Variants in ATP6V0D2 observed in about 807,000 individuals in gnomAD.
ATP6V0D2 encodes V-type proton ATPase subunit d 2.
A neutral mutation model predicts 40.0 loss-of-function variants in ATP6V0D2; 40 were observed. The observed-to-expected ratio is 1.00, with a 90% CI of 0.78 to 1.30. The LOEUF (loss-of-function observed/expected upper bound fraction) is 1.30, where lower values mean the gene tolerates loss of function less well. ATP6V0D2 is among the 50% of genes most tolerant of loss of function. The pLI is 0.00. For missense variants in ATP6V0D2, 470 were observed against 423.1 expected, an observed-to-expected ratio of 1.11 and a Z score of -0.97; for synonymous variants, 179 against 156.3, an observed-to-expected ratio of 1.15 and a Z score of -1.08.
Position 86,150,302 on chromosome 8 carries a change from C to G in ATP6V0D2, c.816+14C>G, listed in dbSNP as rs1819127375. 2 of 1,609,988 alleles carry G rather than the reference C, an allele frequency of 1.2e-6. No individual in the cohort carries two copies. Among genetic ancestry groups the G allele is most frequent in the Non-Finnish European group, 1.7e-6 (2 of 1,177,388 alleles). On this transcript the variant is annotated intron_variant, in intron 6 of 7. Transcript: ENST00000285393. The stretch of plus-strand genomic sequence containing the variant: ...GATCATTACGGAGTATGTGATGACA[C>G]TGGCTTCCCTAAGTCCTTTGTGTTC...
chr8:86,152,767 A>G, intron 7 of ATP6V0D2, 49 bp from the exon 8 acceptor site: 1 of 1,534,812 alleles, frequency 6.5e-7, no homozygotes, highest in Non-Finnish European at 8.8e-7. Flanking sequence ...ATTATTCCAT[A>G]ATGTTCCAAA....
In ATP6V0D2 at chr8:86,152,991, C is replaced by T; in HGVS notation, c.*14C>T. ...CCAATTTTATAACCCAAGTAAGGTTCTCAAATGTAGAAAATTATAAATGTT... is the reference window on the plus strand; with the variant it reads ...CCAATTTTATAACCCAAGTAAGGTTTTCAAATGTAGAAAATTATAAATGTT... On this transcript the variant is annotated 3_prime_UTR_variant, in exon 8 of 8. Transcript: ENST00000285393. The T allele has an allele frequency of 6.4e-7, 1 of 1,556,256 alleles. No homozygotes were observed. The highest frequency in any genetic ancestry group is 2.3e-5 in the East Asian group (1 of 43,818).
chr8:86,143,057 T>A, intron 5 of ATP6V0D2, 103 bp downstream of exon 5: 1 of 730,094 alleles, frequency 1.4e-6, no homozygotes. Context: ...TTTTTTTTAA[T>A]CTAGAAGTAA....
intron 5 of ATP6V0D2, among the ~76,000 whole-genome samples, chr8:86,146,181 A>G (rs1819065916): frequency 6.6e-6 from 1 of 152,218 alleles, no homozygotes; most frequent in Admixed American, 6.5e-5. Flanking sequence ...AAAAATTGGT[A>G]AATAGGTAAG....
chr8:86,132,839 A>G (rs1273068362), intron 2 of ATP6V0D2, among the ~76,000 whole-genome samples: 1 of 152,118 alleles, frequency 6.6e-6, no homozygotes, highest in Non-Finnish European at 1.5e-5. Context: ...TAGTATAGAT[A>G]CCCAGTAGTG....
rs1220004571 is a variant in ATP6V0D2, at chr8:86,126,246, A to ATATG, written c.302+12369_302+12370insGTAT. ...ACTACCGTGCTCAGCCTATATATAT[A>ATATG]TATATATATATATATATCTTTTTGT... On this transcript the variant is annotated intron_variant, in intron 2 of 7. Transcript: ENST00000285393. Among the ~76,000 whole-genome samples, 6 of 125,412 alleles carry ATATG rather than the reference A, an allele frequency of 4.8e-5. 1 individual carries two copies. The highest frequency in any genetic ancestry group is 3.3e-5 in the Non-Finnish European group (2 of 60,594). 82.3% of individuals were successfully genotyped at this position (125,412 alleles called of 152,430 possible). A position where few individuals can be genotyped will look rare whatever the true frequency, so the allele number is the denominator to read the frequency against.
At chr8:86,141,601 C>G in intron 4 of ATP6V0D2, 72 bp downstream of exon 4, 2 of 1,103,506 alleles carry the variant, frequency 1.8e-6, no homozygotes, top group Non-Finnish European at 2.6e-6. Flanking sequence ...TCTATTAAAA[C>G]TTACTTTACT....
In ATP6V0D2 at chr8:86,153,113, T is replaced by A. The variant is rs1248824108; in HGVS notation, c.*136T>A. ...TATATCTTCATGAGTTGCAAATCCA[T>A]GGAAACACAGTAAACCAGCCCTGAA... is the stretch of plus-strand genomic sequence containing the variant. On this transcript the variant is annotated 3_prime_UTR_variant, in exon 8 of 8. Transcript: ENST00000285393. The A allele has an allele frequency of 2.9e-6, 2 of 691,806 alleles. No individual in the cohort carries two copies. Among genetic ancestry groups the A allele is most frequent in the Non-Finnish European group, 4.4e-6 (2 of 458,084 alleles). 42.9% of individuals were successfully genotyped at this position (691,806 alleles called of 1,614,324 possible).
In ATP6V0D2 at chr8:86,153,125, A is replaced by G. The variant is rs1819179882; in HGVS notation, c.*148A>G. 8.7e-6 allele frequency: 5 copies of G among 573,828 alleles called. No individual in the cohort carries two copies. The highest frequency in any genetic ancestry group is 1.4e-5 in the Non-Finnish European group (5 of 358,944). The allele number at this position is 573,828 out of a possible 1,614,324, so 35.5% of individuals were successfully genotyped here. A position where few individuals can be genotyped will look rare whatever the true frequency, so the allele number is the denominator to read the frequency against. ...AGTTGCAAATCCATGGAAACACAGT[A>G]AACCAGCCCTGAAACAAAGCATTTC... is the stretch of plus-strand genomic sequence containing the variant. On this transcript the variant is annotated 3_prime_UTR_variant, in exon 8 of 8. Transcript: ENST00000285393.
chr8:86,099,029 G>A lies in ATP6V0D2; in HGVS notation c.51G>A (p.Glu17=), dbSNP rs774876277. The A allele has an allele frequency of 2.2e-5, 35 of 1,613,890 alleles. No homozygotes were observed. Among genetic ancestry groups the A allele is most frequent in the Non-Finnish European group, 2.7e-5 (32 of 1,180,004 alleles). The part of the protein sequence containing the change: ...LYFNVDHGYL[E]GLVRGCKASL... ...TCAACGTGGACCATGGCTACCTGGA[G>A]GGCCTGGTTCGAGGATGCAAGGCCA... Residue 17 remains glutamate, a synonymous_variant, in exon 1 of 8, where the codon GAG becomes GAA. Coordinates refer to ENST00000285393, the MANE Select transcript of ATP6V0D2 (RefSeq NM_152565.1).
At chr8:86,145,517 T>C (rs1365522251) in intron 5 of ATP6V0D2, among the ~76,000 whole-genome samples, 3 of 152,124 alleles carry the variant, frequency 2.0e-5, no homozygotes, top group Non-Finnish European at 4.4e-5. Flanking sequence ...CAAAAAATAT[T>C]CTTGTTCTTA....
chr8:86,120,032 G>A (rs1256826932), intron 2 of ATP6V0D2, among the ~76,000 whole-genome samples: 1 of 152,160 alleles, frequency 6.6e-6, no homozygotes, highest in Admixed American at 6.6e-5. Flanking sequence ...TATGTTAGGG[G>A]TAAAACTGGA....
At chr8:86,123,547 G>C (rs1369260867) in intron 2 of ATP6V0D2, among the ~76,000 whole-genome samples, 1 of 152,164 alleles carries the variant, frequency 6.6e-6, no homozygotes, top group Non-Finnish European at 1.5e-5. Flanking sequence ...TTGAATGGTA[G>C]AGACAGGAAG....
At chr8:86,100,327 A>G (rs1563553542) in intron 1 of ATP6V0D2, among the ~76,000 whole-genome samples, 1 of 152,214 alleles carries the variant, frequency 6.6e-6, no homozygotes, top group African/African-American at 2.4e-5. Context: ...CATATAGGTC[A>G]ATAATAAGGT....
chr8:86,110,412 T>G (rs1818516827), intron 1 of ATP6V0D2, among the ~76,000 whole-genome samples: 1 of 152,210 alleles, frequency 6.6e-6, no homozygotes. Flanking sequence ...TTTTAATATA[T>G]GTATTAATTG....
At chr8:86,108,866 T>C (rs905262864) in intron 1 of ATP6V0D2, among the ~76,000 whole-genome samples, 2 of 152,234 alleles carry the variant, frequency 1.3e-5, no homozygotes, top group Non-Finnish European at 2.9e-5. Flanking sequence ...AAACGCATGT[T>C]TATATTATGA....
chr8:86,150,124 A>G lies in ATP6V0D2; in HGVS notation c.652A>G (p.Arg218Gly). ...MCPILEFEADRRAFIITLNSF... is the reference protein window; with the variant it reads ...MCPILEFEADGRAFIITLNSF... ...CTTGCAAATTCAGTTTGAGGCCGAC[A>G]GACGTGCTTTTATCATCACTCTTAA... is the stretch of plus-strand genomic sequence containing the variant. The change falls in exon 6 of 8, where the codon AGA becomes GGA. Residue 218 changes from arginine to glycine, a missense_variant. Transcript: ENST00000285393. 6.2e-7 allele frequency: 1 copy of G among 1,612,384 alleles called. No individual in the cohort carries two copies. The highest frequency in any genetic ancestry group is 1.3e-5 in the African/African-American group (1 of 74,940).
chr8:86,136,035 G>A (rs1476705072), intron 2 of ATP6V0D2, among the ~76,000 whole-genome samples: 1 of 152,010 alleles, frequency 6.6e-6, no homozygotes, highest in Non-Finnish European at 1.5e-5. Context: ...ATGAGAGAGG[G>A]GACAGGAAAG....
intron 1 of ATP6V0D2, among the ~76,000 whole-genome samples, chr8:86,104,850 TACACACAC>T (rs146266622): frequency 4.1e-5 from 6 of 146,078 alleles, no homozygotes; most frequent in African/African-American, 5.0e-5. Flanking sequence ...TTAAAACACA[TACACACAC>T]ACACACACAC....
Sources: gnomAD v4.1 joint callset for allele counts (sites outside exome capture counted in the v4.1 genomes callset) on GRCh38, gnomAD v4.1.1 for gene constraint, MANE v1.5 for transcripts, NCBI Gene and HGNC (gene_info 2026-07-23, HGNC 2026-07-21) for gene names.